Variants in MYOZ2 observed in about 807,000 individuals in gnomAD.
MYOZ2 encodes the protein myozenin 2, also known as myozenin-2.
Under a neutral mutation model 25.4 loss-of-function variants are expected in MYOZ2, and 19 were observed. The observed-to-expected ratio is 0.75, with a 90% confidence interval of 0.52 to 1.10. The LOEUF is 1.10. Among genes scored for constraint, MYOZ2 ranks in the 50% least tolerant of loss-of-function variants. MYOZ2 has a pLI of 0.00. For synonymous variants in MYOZ2, 92 were observed against 106.9 expected (o/e 0.86, Z 0.86); for missense variants, 270 against 317.9 (o/e 0.85, Z 1.15).
chr4:119,150,804 A>C, intron 2 of MYOZ2, 68 bp from the exon 3 acceptor site: 1 of 1,476,002 alleles, frequency 6.8e-7, no homozygotes, highest in Admixed American at 1.7e-5. Flanking sequence ...TTTTAGAATT[A>C]AGAAATTTAT....
intron 5 of MYOZ2, among the ~76,000 whole-genome samples, chr4:119,182,111 A>G (rs1315028037): frequency 1.3e-5 from 2 of 152,236 alleles, no homozygotes; most frequent in Non-Finnish European, 2.9e-5. Context: ...GAAAGTGTCA[A>G]ATTATATTGC....
At chr4:119,185,426 T>C (rs1019266822) in intron 5 of MYOZ2, among the ~76,000 whole-genome samples, 2 of 152,190 alleles carry the variant, frequency 1.3e-5, no homozygotes, top group African/African-American at 4.8e-5. Context: ...GTCATTCTCC[T>C]GCCTCAGCCT....
At chr4:119,153,062 CTTT>C (rs5861415) in intron 3 of MYOZ2, among the ~76,000 whole-genome samples, 13 of 137,854 alleles carry the variant, frequency 9.4e-5, no homozygotes, top group Non-Finnish European at 1.4e-4. Context: ...AAAGCGTTGC[CTTT>C]TTTTTTTTTT....
At chr4:119,150,243 G>A (rs1741415938) in intron 2 of MYOZ2, among the ~76,000 whole-genome samples, 1 of 152,082 alleles carries the variant, frequency 6.6e-6, no homozygotes, top group South Asian at 2.1e-4. Flanking sequence ...TCAAATATAT[G>A]TGATTCAGTG....
chr4:119,149,431 C>T (rs1016570421), intron 2 of MYOZ2, among the ~76,000 whole-genome samples: 7 of 152,186 alleles, frequency 4.6e-5, no homozygotes, highest in African/African-American at 1.2e-4. Flanking sequence ...TAAAGTAGCG[C>T]AGCCATTGTC....
chr4:119,174,730 C>T (rs1742019046), intron 5 of MYOZ2, among the ~76,000 whole-genome samples: 1 of 152,132 alleles, frequency 6.6e-6, no homozygotes, highest in African/African-American at 2.4e-5. Flanking sequence ...CTGCCCAAGC[C>T]AGCAGTGGCA....
At chr4:119,167,157 T>A (rs1319462521) in intron 5 of MYOZ2, among the ~76,000 whole-genome samples, 2 of 152,172 alleles carry the variant, frequency 1.3e-5, no homozygotes, top group African/African-American at 4.8e-5. Context: ...TTAGCCAAGG[T>A]GTGAATGCAA....
At chr4:119,155,956 A>G (rs1741564639) in intron 3 of MYOZ2, among the ~76,000 whole-genome samples, 1 of 152,172 alleles carries the variant, frequency 6.6e-6, no homozygotes, top group Non-Finnish European at 1.5e-5. Flanking sequence ...AAATTCAGCT[A>G]ATATTCGCTG....
At chr4:119,163,552 G>A (rs181874763) in intron 4 of MYOZ2, among the ~76,000 whole-genome samples, 1 of 152,292 alleles carries the variant, frequency 6.6e-6, no homozygotes, top group Admixed American at 6.5e-5. Flanking sequence ...GCTGTTATGG[G>A]AAGAATAAAC....
intron 5 of MYOZ2, among the ~76,000 whole-genome samples, chr4:119,167,401 G>C (rs1338146474): frequency 6.6e-6 from 1 of 152,182 alleles, no homozygotes; most frequent in Non-Finnish European, 1.5e-5. Context: ...AGAAAAGTTG[G>C]AAGCTAGTAG....
At chr4:119,167,909 T>C (rs568477428) in intron 5 of MYOZ2, among the ~76,000 whole-genome samples, 2 of 152,392 alleles carry the variant, frequency 1.3e-5, no homozygotes. Context: ...AATTTATTAC[T>C]CTTTATTGAC....
chr4:119,158,563 A>C (rs60317087), intron 4 of MYOZ2, among the ~76,000 whole-genome samples: 2,232 of 152,134 alleles, frequency 0.015, 49 homozygotes, highest in African/African-American at 0.048. Context: ...CTCAAAAAAA[A>C]GTTTCTTTTT....
At chr4:119,157,459 A>T (rs1336695431) in intron 3 of MYOZ2, among the ~76,000 whole-genome samples, 2 of 152,122 alleles carry the variant, frequency 1.3e-5, no homozygotes, top group Non-Finnish European at 2.9e-5. Flanking sequence ...AAAATCAAAA[A>T]TTTTTCCTTT....
Position 119,186,107 on chromosome 4 carries a change from G to C in MYOZ2, c.702G>C (p.Arg234Ser), listed in dbSNP as rs757085402. Residue 234 changes from arginine to serine, a missense_variant, in exon 6 of 6, where the codon AGG becomes AGC. By Grantham distance (110) the Arg-to-Ser change is moderately radical (BLOSUM62 -1). Transcript: ENST00000307128. ...TTTCTGGCAGACGGTCCTTTAATAG[G>C]ACTCCTAAGGGATGGATATCTGAGA... is the stretch of plus-strand genomic sequence containing the variant. ...NPLSGRRSFN[R>S]TPKGWISENI... is the part of the protein sequence containing the mutation. The C allele has an allele frequency of 6.2e-7, 1 of 1,613,752 alleles. No individual in the cohort carries two copies. Among genetic ancestry groups the C allele is most frequent in the Admixed American group, 1.7e-5 (1 of 59,978 alleles).
At position 119,162,559 on chromosome 4, in the gene MYOZ2, T is replaced by C. The variant is rs1741734621; in HGVS notation, c.377-1652T>C. ...TTTTTTAGAGCAGTGTTCCTCGTTG[T>C]TCTGTTTGTAGACCACCTGCATAAG... On this transcript the variant is annotated intron_variant, in intron 4 of 5. Transcript: ENST00000307128. Among the ~76,000 whole-genome samples the C allele has an allele frequency of 3.3e-5, 5 of 152,356 alleles. No individual in the cohort carries two copies. In the South Asian group the frequency reaches 1.0e-3, roughly 32 times the overall value.
At chr4:119,146,112 C>G (rs952483226) in intron 2 of MYOZ2, among the ~76,000 whole-genome samples, 4 of 152,038 alleles carry the variant, frequency 2.6e-5, no homozygotes, top group African/African-American at 9.7e-5. Context: ...TGTGTCTTCT[C>G]TATATTTTCC....
intron 5 of MYOZ2, among the ~76,000 whole-genome samples, chr4:119,177,519 G>T (rs1447814915): frequency 6.6e-6 from 1 of 152,172 alleles, no homozygotes; most frequent in African/African-American, 2.4e-5. Flanking sequence ...AACATGGGAT[G>T]TTTCCACAAA....
chr4:119,150,033 T>C (rs1037428805), intron 2 of MYOZ2, among the ~76,000 whole-genome samples: 1 of 152,194 alleles, frequency 6.6e-6, no homozygotes, highest in African/African-American at 2.4e-5. Context: ...GCAAAAAGAC[T>C]CTGTGGGTAT....
At chr4:119,163,702 C>A (rs1741756565) in intron 4 of MYOZ2, among the ~76,000 whole-genome samples, 1 of 152,148 alleles carries the variant, frequency 6.6e-6, no homozygotes, top group African/African-American at 2.4e-5. Flanking sequence ...CTTCTTGAAG[C>A]TCAAACATTT....
Sources: gnomAD v4.1 joint callset for allele counts (sites outside exome capture counted in the v4.1 genomes callset) on GRCh38, gnomAD v4.1.1 for gene constraint, MANE v1.5 for transcripts, NCBI Gene and HGNC (gene_info 2026-07-23, HGNC 2026-07-21) for gene names.